Variants in FAT2 observed in about 807,000 individuals in gnomAD.
FAT2 encodes the protein FAT atypical cadherin 2, also known as protocadherin Fat 2.
In FAT2, 150 loss-of-function variants were observed where a neutral mutation model predicts 295.3. That is an observed-to-expected ratio of 0.51 (90% confidence interval 0.44 to 0.58). The LOEUF is 0.58. Among genes scored for constraint, FAT2 ranks in the 20% least tolerant of loss-of-function variants. The probability of loss-of-function intolerance (pLI) is 0.00; values close to 1 mark genes in which losing one functional copy is unlikely to be tolerated. For synonymous variants in FAT2, 2,026 were observed against 2,150.3 expected (o/e 0.94, Z 1.60); for missense variants, 4,868 against 5,442.7 (o/e 0.89, Z 3.32).
intron 10 of FAT2, 150 bp downstream of exon 10, chr5:151,542,135 G>A: frequency 1.5e-6 from 1 of 652,810 alleles, no homozygotes; most frequent in South Asian, 2.1e-5. Flanking sequence ...GTCTATAGGT[G>A]GAGAAACTGA....
intron 12 of FAT2, among the ~76,000 whole-genome samples, chr5:151,535,854 A>G (rs774487213): frequency 7.2e-5 from 11 of 152,104 alleles, no homozygotes; most frequent in Non-Finnish European, 1.5e-4. Flanking sequence ...TGCTTGTTGT[A>G]TGGGGAAAAC....
In FAT2 at chr5:151,521,851, C is replaced by G. The variant is rs1258887224; in HGVS notation, c.10742G>C (p.Gly3581Ala). The G allele has an allele frequency of 6.2e-7, 1 of 1,614,208 alleles. No individual in the cohort carries two copies. The highest frequency in any genetic ancestry group is 8.5e-7 in the Non-Finnish European group (1 of 1,180,018). ...EETLGRHFSV[G>A]APDGKIIAAQ... ...GGCGATAATCTTGCCATCAGGCGCACCCACTGAGAAGTGCCTGCCCAGGGT... is the reference window on the plus strand; with the variant it reads ...GGCGATAATCTTGCCATCAGGCGCAGCCACTGAGAAGTGCCTGCCCAGGGT... The change falls in exon 19 of 24, where the codon GGT (glycine) becomes GCT (alanine). Residue 3581 changes from glycine (G) to alanine (A), a missense_variant. Coordinates refer to ENST00000261800, the MANE Select transcript of FAT2 (RefSeq NM_001447.3).
chr5:151,574,920 G>A (rs189913179), intron 1 of FAT2, among the ~76,000 whole-genome samples: 70 of 152,328 alleles, frequency 4.6e-4, no homozygotes, highest in African/African-American at 1.6e-3. Flanking sequence ...TCTCTCCTGG[G>A]CCTCAACTTG....
upstream of FAT2, among the ~76,000 whole-genome samples, chr5:151,594,478 C>T (rs1354786873): frequency 6.6e-6 from 1 of 152,204 alleles, no homozygotes; most frequent in African/African-American, 2.4e-5. Flanking sequence ...ATAACTGATT[C>T]TGAAGCCCTT....
chr5:151,545,915 C>T lies in FAT2; in HGVS notation c.5212G>A (p.Ala1738Thr), dbSNP rs1340902870. The change falls in exon 10 of 24, where the codon GCA (alanine) becomes ACA (threonine). Residue 1738 changes from alanine to threonine, a missense_variant. By Grantham distance (58) the Ala-to-Thr change is moderately conservative. Around this residue, in one of 5 missense-constraint regions of FAT2, gnomAD observed 3,297 missense variants for 3,669.4 expected, o/e 0.90. Transcript: ENST00000261800. Reference sequence around the variant, plus strand: ...ACCACCACCATGACATCAGTAAATGCACCTGCCATATTGCTGCCTCGGATT... The same window carrying T: ...ACCACCACCATGACATCAGTAAATGTACCTGCCATATTGCTGCCTCGGATT... ...LKIRGSNMAG[A>T]FTDVMVVVDI... 2.5e-6 allele frequency: 4 copies of T among 1,614,036 alleles called. No individual in the cohort carries two copies. The highest frequency in any genetic ancestry group is 1.1e-5 in the South Asian group (1 of 91,066).
intron 1 of FAT2, among the ~76,000 whole-genome samples, 36 bp downstream of exon 1, chr5:151,591,129 C>A (rs1000425715): frequency 6.6e-6 from 1 of 152,256 alleles, no homozygotes; most frequent in Non-Finnish European, 1.5e-5. Context: ...TTTGCTGCCC[C>A]CCTCCCGCAT....
intron 12 of FAT2, among the ~76,000 whole-genome samples, chr5:151,536,515 G>T (rs1327177934): frequency 6.6e-6 from 1 of 152,048 alleles, no homozygotes; most frequent in Non-Finnish European, 1.5e-5. Context: ...ACCCTCCCCT[G>T]CAGCAGCAGG....
intron 20 of FAT2, among the ~76,000 whole-genome samples, chr5:151,516,401 A>G (rs1752868907): frequency 6.6e-6 from 1 of 152,106 alleles, no homozygotes; most frequent in Non-Finnish European, 1.5e-5. Context: ...CTGTAATTCC[A>G]GCTACTCCAG....
Position 151,545,750 on chromosome 5 carries a change from C to T in FAT2, c.5377G>A (p.Asp1793Asn). The change falls in exon 10 of 24, where the codon GAC (aspartate) becomes AAC (asparagine). Residue 1793 changes from aspartate to asparagine, a missense_variant. By Grantham distance (23) the Asp-to-Asn change is conservative. Transcript: ENST00000261800. ...ACCAACAAGGAATTAGCTTCTTTGT[C>T]ACTGTCAGAGGCATGAATCACAAAG... ...NPFVIHASDSDKEANSLLVYK... is the reference protein window; with the variant it reads ...NPFVIHASDSNKEANSLLVYK... 1 of 1,614,000 alleles carries T rather than the reference C, an allele frequency of 6.2e-7. No individual in the cohort carries two copies. The highest frequency in any genetic ancestry group is 8.5e-7 in the Non-Finnish European group (1 of 1,179,996).
upstream of FAT2, among the ~76,000 whole-genome samples, chr5:151,593,037 C>T (rs561696742): frequency 1.3e-5 from 2 of 152,320 alleles, no homozygotes; most frequent in East Asian, 1.9e-4. Context: ...GAGGGATTCC[C>T]CACCAGTAGG....
chr5:151,510,435 C>T (rs1227662029), intron 21 of FAT2: 1 of 364,086 alleles, frequency 2.7e-6, no homozygotes, highest in African/African-American at 2.0e-5. Context: ...CAACCATAGA[C>T]ACTAACTTAG....
At chr5:151,539,479 T>G (rs1006697105) in intron 11 of FAT2, among the ~76,000 whole-genome samples, 1 of 152,260 alleles carries the variant, frequency 6.6e-6, no homozygotes, top group African/African-American at 2.4e-5. Flanking sequence ...TATAGGTATA[T>G]GCTTATATGT....
At chr5:151,537,329 GAAAGA>G (rs150846794) in intron 12 of FAT2, among the ~76,000 whole-genome samples, 65,349 of 101,050 alleles carry the variant, frequency 0.65, 15,822 homozygotes, top group African/African-American at 0.68. Context: ...GAGAAAAAAA[GAAAGA>G]AAAGAAAAGA....
chr5:151,506,401 TA>T (rs1216416579), intron 23 of FAT2, among the ~76,000 whole-genome samples: 1 of 152,216 alleles, frequency 6.6e-6, no homozygotes, highest in East Asian at 1.9e-4. Flanking sequence ...CTGGATACAG[TA>T]ACTCCATCCC....
At chr5:151,555,987 C>T (rs749640476) in intron 4 of FAT2, among the ~76,000 whole-genome samples, 2 of 152,176 alleles carry the variant, frequency 1.3e-5, no homozygotes, top group South Asian at 4.1e-4. Context: ...TTCATCCTGG[C>T]TCTGCTACTG....
chr5:151,580,155 G>A (rs7709576), intron 1 of FAT2, among the ~76,000 whole-genome samples: 66,764 of 152,064 alleles, frequency 0.44, 14,921 homozygotes, highest in Non-Finnish European at 0.49. Context: ...TGGCATTTTG[G>A]CACTGGCCAT....
At chr5:151,521,223 G>A in intron 19 of FAT2, 53 bp downstream of exon 19, 1 of 1,526,474 alleles carries the variant, frequency 6.6e-7, no homozygotes, top group South Asian at 1.3e-5. Flanking sequence ...CTTAGAGTCA[G>A]GCGGGCTGAG....
rs938582119 is a variant in FAT2, at chr5:151,553,370, A to T, written c.3963T>A (p.Ser1321Arg). ...CACTGGCTGAGAGTGGTGGCTGCCC[A>T]CTGTCTGTTGCCTTGATCTGAAAGG... The part of the protein sequence containing the change: ...YNILTIKATD[S>R]GQPPLSASVR... The change falls in exon 6 of 24, where the codon AGT becomes AGA. Residue 1321 changes from serine to arginine, a missense_variant. Physicochemically the swap from Ser to Arg is moderately radical, Grantham distance 110. This residue lies in a region of FAT2 where 3,297 missense variants were observed against 3,669.4 expected (regional missense o/e 0.90). Coordinates refer to ENST00000261800, the MANE Select transcript of FAT2 (RefSeq NM_001447.3). The T allele has an allele frequency of 1.2e-6, 2 of 1,614,186 alleles. No homozygotes were observed. The highest frequency in any genetic ancestry group is 1.7e-6 in the Non-Finnish European group (2 of 1,180,030).
Position 151,527,993 on chromosome 5 carries a change from C to T in FAT2, c.10164+3G>A, listed in dbSNP as rs532431751. On this transcript the variant is annotated splice_donor_region_variant and intron_variant, in intron 16 of 23. Coordinates refer to ENST00000261800, the MANE Select transcript of FAT2 (RefSeq NM_001447.3). ...CAGGGTGCGCCCCTCCCACATGACT[C>T]ACCTGTTCCCGGTCCAGGGCCTTGG... The T allele has an allele frequency of 1.9e-6, 3 of 1,613,896 alleles. No individual in the cohort carries two copies. Among genetic ancestry groups the T allele is most frequent in the African/African-American group, 1.3e-5 (1 of 75,062 alleles).
Sources: gnomAD v4.1 joint callset for allele counts (sites outside exome capture counted in the v4.1 genomes callset) on GRCh38, gnomAD v4.1.1 for gene constraint, gnomAD v4.1.1 regional missense constraint, MANE v1.5 for transcripts, NCBI Gene and HGNC (gene_info 2026-07-23, HGNC 2026-07-21) for gene names.